Variants in GK5 observed in about 807,000 individuals in gnomAD.
GK5 encodes the protein ATP:glycerol 3-phosphotransferase 5.
A neutral mutation model predicts 77.3 loss-of-function variants in GK5; 39 were observed. That is an observed-to-expected ratio of 0.50 (90% CI 0.39 to 0.66). GK5 has a LOEUF of 0.66. GK5 is among the 30% of genes least tolerant of loss of function. The probability of loss-of-function intolerance (pLI) is 0.00; values close to 1 mark genes in which losing one functional copy is unlikely to be tolerated. For synonymous variants in GK5, 211 were observed against 208.0 expected (o/e 1.01, Z -0.13); for missense variants, 487 against 633.8 (o/e 0.77, Z 2.49).
At chr3:142,223,914 C>T (rs766864896) in intron 1 of GK5, among the ~76,000 whole-genome samples, 5 of 152,242 alleles carry the variant, frequency 3.3e-5, no homozygotes, top group Admixed American at 2.0e-4. Flanking sequence ...AGTCACTACT[C>T]ACTGGCACTC....
At position 142,181,504 on chromosome 3, in the gene GK5, A is replaced by G; in HGVS notation, c.1005T>C (p.Asn335=). The change falls in exon 11 of 16, where the codon AAT becomes AAC. Residue 335 remains asparagine (N), a synonymous_variant. Coordinates refer to ENST00000392993, the MANE Select transcript of GK5 (RefSeq NM_001039547.3). ...TTATGGCAGTACCAGTGTCTCCTGC[A>G]TTGCTTTCAGCTAAGCATACGACTT... ...GQEVVCLAES[N]AGDTGTAIKW... 1 of 1,613,758 alleles carries G rather than the reference A, an allele frequency of 6.2e-7. No homozygotes were observed. The highest frequency in any genetic ancestry group is 8.5e-7 in the Non-Finnish European group (1 of 1,179,810).
intron 4 of GK5, among the ~76,000 whole-genome samples, chr3:142,199,189 T>C (rs2063981316): frequency 6.6e-6 from 1 of 152,046 alleles, no homozygotes; most frequent in African/African-American, 2.4e-5. Flanking sequence ...TTATAAACTT[T>C]TTTAAAAAAA....
At chr3:142,209,781 T>G (rs142637127) in intron 3 of GK5, among the ~76,000 whole-genome samples, 2,467 of 152,296 alleles carry the variant, frequency 0.016, 31 homozygotes, top group Non-Finnish European at 0.027. Flanking sequence ...GTATACGCAG[T>G]GCAGCCCCCA....
chr3:142,198,379 G>A (rs1330272592), intron 5 of GK5, among the ~76,000 whole-genome samples: 2 of 152,094 alleles, frequency 1.3e-5, no homozygotes, highest in Admixed American at 6.5e-5. Flanking sequence ...TTGGGAGGCT[G>A]AGGCAGATGG....
chr3:142,183,104 T>C, intron 9 of GK5, 55 bp from the exon 10 acceptor site: 1 of 1,517,062 alleles, frequency 6.6e-7, no homozygotes, highest in Non-Finnish European at 9.1e-7. Flanking sequence ...CCAATTTTAT[T>C]ATAGAGCATT....
intron 5 of GK5, among the ~76,000 whole-genome samples, chr3:142,191,611 G>A (rs141069667): frequency 2.2e-4 from 33 of 152,104 alleles, no homozygotes; most frequent in South Asian, 1.9e-3. Flanking sequence ...GCCGAGGCAG[G>A]TGGATCACTT....
At position 142,158,004 on chromosome 3, in the gene GK5, T is replaced by C. The variant is rs1577096600; in HGVS notation, c.*7618A>G. 1 of 151,462 alleles carries C rather than the reference T, an allele frequency of 6.6e-6. No individual in the cohort carries two copies. Among genetic ancestry groups the C allele is most frequent in the South Asian group, 2.1e-4 (1 of 4,798 alleles). 9.4% of individuals were successfully genotyped at this position (151,462 alleles called of 1,614,324 possible). ...TCTCACTCTGTCACCCAGGCAGGAG[T>C]GCAGTGGCGCGATCTCAGCTCACTG... On this transcript the variant is annotated 3_prime_UTR_variant, in exon 16 of 16. Coordinates refer to ENST00000392993, the MANE Select transcript of GK5 (RefSeq NM_001039547.3).
chr3:142,176,129 A>C (rs1418696441), intron 12 of GK5, among the ~76,000 whole-genome samples: 1 of 152,202 alleles, frequency 6.6e-6, no homozygotes, highest in Non-Finnish European at 1.5e-5. Flanking sequence ...CAATGGAATC[A>C]ATTCACAAGC....
At chr3:142,176,406 G>C (rs925172645) in intron 12 of GK5, among the ~76,000 whole-genome samples, 2 of 151,876 alleles carry the variant, frequency 1.3e-5, no homozygotes, top group African/African-American at 4.8e-5. Flanking sequence ...AAAATAGTAT[G>C]AGCTTTCCCA....
At chr3:142,179,869 T>A (rs576880264) in intron 11 of GK5, among the ~76,000 whole-genome samples, 1 of 152,218 alleles carries the variant, frequency 6.6e-6, no homozygotes, top group South Asian at 2.1e-4. Context: ...ACTCCCTGTT[T>A]TTATATTTTC....
At chr3:142,206,948 A>C (rs2064117073) in intron 3 of GK5, among the ~76,000 whole-genome samples, 1 of 152,248 alleles carries the variant, frequency 6.6e-6, no homozygotes, top group South Asian at 2.1e-4. Context: ...GGGGAGATGT[A>C]GGGAGACCCC....
chr3:142,170,200 G>T, intron 15 of GK5, 125 bp downstream of exon 15: 1 of 947,588 alleles, frequency 1.1e-6, no homozygotes, highest in Non-Finnish European at 1.7e-6. Context: ...ATGCATATGT[G>T]TATGGAGTTT....
intron 15 of GK5, among the ~76,000 whole-genome samples, chr3:142,169,344 G>A (rs747388285): frequency 2.0e-5 from 3 of 152,170 alleles, no homozygotes; most frequent in Non-Finnish European, 4.4e-5. Context: ...CAAGAATACT[G>A]CTAAATTAGT....
At chr3:142,208,288 GA>G (rs1267790996) in intron 3 of GK5, among the ~76,000 whole-genome samples, 3 of 152,098 alleles carry the variant, frequency 2.0e-5, no homozygotes, top group Non-Finnish European at 4.4e-5. Flanking sequence ...AATGTCCTTT[GA>G]TATATAAAGT....
chr3:142,212,877 A>T (rs1314017549), intron 3 of GK5, among the ~76,000 whole-genome samples: 1 of 128,846 alleles, frequency 7.8e-6, no homozygotes, highest in Non-Finnish European at 1.5e-5. Flanking sequence ...GCTGTCGCCC[A>T]GGCTGGAGTG....
intron 13 of GK5, among the ~76,000 whole-genome samples, 168 bp downstream of exon 13, chr3:142,172,185 T>C (rs1316921583): frequency 2.0e-5 from 3 of 152,066 alleles, no homozygotes; most frequent in Non-Finnish European, 4.4e-5. Flanking sequence ...ATAAGAAAGA[T>C]ACCATGGAAA....
chr3:142,181,734 G>C (rs2063699989), intron 10 of GK5, among the ~76,000 whole-genome samples, 169 bp from the exon 11 acceptor site: 1 of 152,192 alleles, frequency 6.6e-6, no homozygotes, highest in Non-Finnish European at 1.5e-5. Context: ...AGTCTTGCAA[G>C]TTTCTAACCT....
chr3:142,180,194 C>G (rs2107772586), intron 11 of GK5, among the ~76,000 whole-genome samples: 1 of 152,318 alleles, frequency 6.6e-6, no homozygotes, highest in East Asian at 1.9e-4. Context: ...CTTGGTCTTG[C>G]CTGCCCCTGG....
intron 3 of GK5, 71 bp downstream of exon 3, chr3:142,213,455 G>A: frequency 1.1e-6 from 1 of 920,758 alleles, no homozygotes; most frequent in East Asian, 2.4e-5. Context: ...ACTCCCCAAA[G>A]AGATTTCATA....
Sources: allele counts gnomAD v4.1 joint callset (sites outside exome capture counted in the v4.1 genomes callset), GRCh38; gene constraint gnomAD v4.1.1; transcripts MANE v1.5; gene names NCBI Gene and HGNC (gene_info 2026-07-23, HGNC 2026-07-21).